Variants in KYAT1 observed in about 807,000 individuals in gnomAD.
KYAT1 encodes the protein kynurenine aminotransferase 1.
A neutral mutation model predicts 52.4 loss-of-function variants in KYAT1; 47 were observed. The ratio of observed to expected loss-of-function variants is 0.90; its 90% CI spans 0.71 to 1.14. KYAT1 has a LOEUF of 1.14. Among genes scored for constraint, KYAT1 ranks in the 50% most tolerant of loss-of-function variants. The probability of loss-of-function intolerance (pLI) is 0.00; values close to 1 mark genes in which losing one functional copy is unlikely to be tolerated. For missense variants in KYAT1, 480 were observed against 557.9 expected, an observed-to-expected ratio of 0.86 and a Z score of 1.41; for synonymous variants, 212 against 209.6, an observed-to-expected ratio of 1.01 and a Z score of -0.10.
chr9:128,865,318 TATATATATATATATATATATATATATA>T (rs1836068395), intron 1 of KYAT1, among the ~76,000 whole-genome samples: 1 of 1,210 alleles, frequency 8.3e-4, no homozygotes, highest in Non-Finnish European at 1.7e-3. Flanking sequence ...CATATATATA[TATATATATATATATATATATATATATA>T]TATATATATA....
At chr9:128,847,354 G>C (rs1347450960) in intron 1 of KYAT1, 1 of 953,012 alleles carries the variant, frequency 1.0e-6, no homozygotes, top group African/African-American at 1.6e-5. Context: ...CTCATGCACA[G>C]CTTTGAAGCC....
intron 1 of KYAT1, among the ~76,000 whole-genome samples, chr9:128,878,940 C>T (rs1838405702): frequency 6.6e-6 from 1 of 152,184 alleles, no homozygotes; most frequent in South Asian, 2.1e-4. Flanking sequence ...AAATGACTTA[C>T]TCGAAGTCCC....
intron 1 of KYAT1, among the ~76,000 whole-genome samples, chr9:128,878,664 C>T (rs1838364384): frequency 1.3e-5 from 2 of 152,266 alleles, no homozygotes; most frequent in South Asian, 4.1e-4. Flanking sequence ...TCCCCCTGGG[C>T]TTAGGAATTG....
chr9:128,839,452 G>A (rs899036113), intron 3 of KYAT1, among the ~76,000 whole-genome samples: 3 of 151,956 alleles, frequency 2.0e-5, no homozygotes, highest in East Asian at 1.9e-4. Context: ...GTGAAACCCC[G>A]TCTCTACTAA....
At chr9:128,837,580 C>T (rs1831343269) in intron 6 of KYAT1, 105 bp downstream of exon 6, 18 of 1,353,154 alleles carry the variant, frequency 1.3e-5, no homozygotes, top group Middle Eastern at 2.6e-4. Context: ...TGTGGCCCTC[C>T]CACACACAAA....
chr9:128,861,588 G>A (rs1465359494), intron 1 of KYAT1, among the ~76,000 whole-genome samples: 3 of 152,178 alleles, frequency 2.0e-5, no homozygotes, highest in Non-Finnish European at 4.4e-5. Flanking sequence ...TCGTTCCTTA[G>A]ATTTGAGAGC....
intron 1 of KYAT1, among the ~76,000 whole-genome samples, chr9:128,853,949 T>C (rs1469934041): frequency 6.6e-6 from 1 of 152,272 alleles, no homozygotes; most frequent in African/African-American, 2.4e-5. Flanking sequence ...TGACAGTTGA[T>C]ACTTATTCAC....
intron 1 of KYAT1, chr9:128,859,915 A>G (rs2130649625): frequency 6.6e-6 from 1 of 152,120 alleles, no homozygotes; most frequent in East Asian, 1.9e-4. Flanking sequence ...CCCAAAGTGC[A>G]TGAGAGGGGA....
intron 1 of KYAT1, chr9:128,847,545 G>T: frequency 6.6e-7 from 1 of 1,525,088 alleles, no homozygotes; most frequent in Non-Finnish European, 8.8e-7. Context: ...CAGAGCCTTG[G>T]GGCACTGCAG....
intron 1 of KYAT1, among the ~76,000 whole-genome samples, chr9:128,866,492 G>A (rs1588140127): frequency 6.6e-6 from 1 of 151,858 alleles, no homozygotes; most frequent in Admixed American, 6.6e-5. Flanking sequence ...CCAGCTACTC[G>A]GGAAGCTGAG....
At chr9:128,840,576 AAAG>A (rs1174958364) in intron 3 of KYAT1, 3 of 423,770 alleles carry the variant, frequency 7.1e-6, no homozygotes, top group Admixed American at 3.2e-5. Context: ...AAGAAAAAAA[AAAG>A]AAAGAAAGAA....
chr9:128,874,473 A>G (rs1431268137), intron 1 of KYAT1, among the ~76,000 whole-genome samples: 1 of 146,842 alleles, frequency 6.8e-6, no homozygotes, highest in Non-Finnish European at 1.5e-5. Flanking sequence ...CACCATGCTC[A>G]GCTATTTTTT....
intron 3 of KYAT1, among the ~76,000 whole-genome samples, chr9:128,841,700 A>C (rs1248701350): frequency 2.0e-5 from 3 of 149,708 alleles, no homozygotes; most frequent in African/African-American, 7.4e-5. Flanking sequence ...ATCTCAAAAA[A>C]AAAAAAAAAA....
intron 5 of KYAT1, 86 bp downstream of exon 5, chr9:128,837,965 C>A: frequency 6.6e-7 from 1 of 1,525,110 alleles, no homozygotes; most frequent in Non-Finnish European, 9.1e-7. Flanking sequence ...TCCTTCACTT[C>A]TTTCCTCCTT....
intron 1 of KYAT1, among the ~76,000 whole-genome samples, chr9:128,857,334 G>A (rs1011852022): frequency 6.6e-6 from 1 of 152,154 alleles, no homozygotes. Context: ...TTGATATGCT[G>A]CTTGCCAGTC....
intron 1 of KYAT1, among the ~76,000 whole-genome samples, chr9:128,864,183 A>G (rs981940225): frequency 1.3e-5 from 2 of 151,910 alleles, no homozygotes; most frequent in Admixed American, 6.6e-5. Context: ...TAACACAGTG[A>G]AACCCCGTCT....
rs934161881 is a variant in KYAT1, at chr9:128,833,171, C to T, written c.*413G>A. 2 of 223,122 alleles carry T rather than the reference C, an allele frequency of 9.0e-6. No individual in the cohort carries two copies. The highest frequency in any genetic ancestry group is 1.8e-5 in the Non-Finnish European group (2 of 113,604). The allele number at this position is 223,122 out of a possible 1,614,324, so 13.8% of individuals were successfully genotyped here. On this transcript the variant is annotated 3_prime_UTR_variant, in exon 13 of 13. Coordinates refer to ENST00000302586, the MANE Select transcript of KYAT1 (RefSeq NM_004059.5). The stretch of plus-strand genomic sequence containing the variant: ...GACGAAAAGGAGAGGCTTGAGGACT[C>T]AAGCCTAAAGGCAACTCCCCAAGGC...
At chr9:128,847,501 CAG>C (rs1259794518) in intron 1 of KYAT1, 2 of 1,535,966 alleles carry the variant, frequency 1.3e-6, no homozygotes, top group Non-Finnish European at 1.7e-6. Flanking sequence ...ACCAGGTGCA[CAG>C]AGATGGCTGC....
At chr9:128,861,242 C>T (rs1464105905) in intron 1 of KYAT1, among the ~76,000 whole-genome samples, 1 of 152,160 alleles carries the variant, frequency 6.6e-6, no homozygotes, top group African/African-American at 2.4e-5. Context: ...ATAATTCCCA[C>T]GTGTCCTGGG....
Sources: gnomAD v4.1 joint callset for allele counts (sites outside exome capture counted in the v4.1 genomes callset) on GRCh38, gnomAD v4.1.1 for gene constraint, MANE v1.5 for transcripts, NCBI Gene and HGNC (gene_info 2026-07-23, HGNC 2026-07-21) for gene names.